BRINP1: variants seen among roughly 807,000 people sequenced by gnomAD.
The protein encoded by BRINP1 is BMP/retinoic acid-inducible neural-specific protein 1.
Under a neutral mutation model 72.9 loss-of-function variants are expected in BRINP1, and 17 were observed. The ratio of observed to expected loss-of-function variants is 0.23; its 90% CI spans 0.16 to 0.35. The LOEUF is 0.35. BRINP1 is among the 10% of genes least tolerant of loss of function. The pLI, the probability that BRINP1 is intolerant of heterozygous loss-of-function variation, is 1.00. For missense variants in BRINP1, 850 were observed against 1,001.6 expected (o/e 0.85, Z 2.04); for synonymous variants, 418 against 378.5 (o/e 1.10, Z -1.21).
chr9:119,169,900 A>G (rs898973784), intron 7 of BRINP1, among the ~76,000 whole-genome samples: 10 of 152,140 alleles, frequency 6.6e-5, no homozygotes, highest in Non-Finnish European at 1.5e-4. Flanking sequence ...GGGTATTCCA[A>G]CAGACTTGCA....
At chr9:119,316,000 G>A (rs1048455893) in intron 1 of BRINP1, among the ~76,000 whole-genome samples, 5 of 152,220 alleles carry the variant, frequency 3.3e-5, no homozygotes, top group South Asian at 2.1e-4. Flanking sequence ...ACAAGGTGAA[G>A]AAGCTAATGC....
At chr9:119,258,871 C>A (rs562580957) in intron 2 of BRINP1, among the ~76,000 whole-genome samples, 10 of 152,268 alleles carry the variant, frequency 6.6e-5, no homozygotes, top group African/African-American at 2.4e-4. Flanking sequence ...AGGCCCAGAG[C>A]AGTGAAGGCC....
chr9:119,341,297 C>A (rs1831403516), intron 1 of BRINP1, among the ~76,000 whole-genome samples: 1 of 152,156 alleles, frequency 6.6e-6, no homozygotes, highest in South Asian at 2.1e-4. Flanking sequence ...GTAACTTTAA[C>A]CCACATAATG....
chr9:119,174,112 A>G (rs1443250113), intron 7 of BRINP1, among the ~76,000 whole-genome samples: 7 of 147,632 alleles, frequency 4.7e-5, no homozygotes, highest in African/African-American at 1.6e-4. Context: ...CAAAATTGAC[A>G]AATGGGATCT....
intron 2 of BRINP1, among the ~76,000 whole-genome samples, chr9:119,288,751 C>T (rs1179298255): frequency 6.6e-6 from 1 of 152,038 alleles, no homozygotes; most frequent in Non-Finnish European, 1.5e-5. Flanking sequence ...TAGGTGAATG[C>T]ACCAAAGGAG....
intron 7 of BRINP1, among the ~76,000 whole-genome samples, chr9:119,191,231 G>T (rs1829680566): frequency 6.6e-6 from 1 of 151,862 alleles, no homozygotes; most frequent in African/African-American, 2.4e-5. Context: ...TTCCAGGCAA[G>T]AATGTCCACT....
At chr9:119,254,542 T>C (rs1401080245) in intron 2 of BRINP1, among the ~76,000 whole-genome samples, 3 of 151,956 alleles carry the variant, frequency 2.0e-5, no homozygotes, top group African/African-American at 7.3e-5. Context: ...GGAAGAAAAA[T>C]AATATCAAAA....
At chr9:119,176,874 G>T (rs1249277790) in intron 7 of BRINP1, among the ~76,000 whole-genome samples, 1 of 152,094 alleles carries the variant, frequency 6.6e-6, no homozygotes, top group Non-Finnish European at 1.5e-5. Context: ...TTGCTTATCG[G>T]CTGGGAAAAA....
intron 6 of BRINP1, among the ~76,000 whole-genome samples, chr9:119,210,725 CAGTT>C (rs1265043078): frequency 6.6e-6 from 1 of 152,186 alleles, no homozygotes; most frequent in Non-Finnish European, 1.5e-5. Context: ...TAATTATAGA[CAGTT>C]AGACAGGCAA....
At chr9:119,319,587 G>T (rs1831163720) in intron 1 of BRINP1, among the ~76,000 whole-genome samples, 1 of 152,220 alleles carries the variant, frequency 6.6e-6, no homozygotes, top group East Asian at 1.9e-4. Flanking sequence ...TAATATGAGA[G>T]TCACATTATT....
intron 2 of BRINP1, among the ~76,000 whole-genome samples, chr9:119,263,830 G>T (rs1423829152): frequency 6.6e-6 from 1 of 151,858 alleles, no homozygotes; most frequent in Admixed American, 6.6e-5. Context: ...GGATGGTCTC[G>T]ATCTCCTGAC....
chr9:119,298,333 C>G (rs575018709), intron 2 of BRINP1, among the ~76,000 whole-genome samples: 1 of 152,256 alleles, frequency 6.6e-6, no homozygotes, highest in Admixed American at 6.5e-5. Flanking sequence ...TTCTACAGCT[C>G]TGTTGGGGGC....
At chr9:119,211,866 A>C (rs1829932988) in intron 6 of BRINP1, among the ~76,000 whole-genome samples, 1 of 152,168 alleles carries the variant, frequency 6.6e-6, no homozygotes. Flanking sequence ...TGTTCAGCTT[A>C]TTCAGCAGCA....
chr9:119,238,761 C>A lies in BRINP1; in HGVS notation c.580-1G>T. 1 of 1,574,720 alleles carries A rather than the reference C, an allele frequency of 6.4e-7. No homozygotes were observed. The highest frequency in any genetic ancestry group is 8.7e-7 in the Non-Finnish European group (1 of 1,149,252). On this transcript the variant is annotated splice_acceptor_variant, in intron 4 of 7. Coordinates refer to ENST00000265922, the MANE Select transcript of BRINP1 (RefSeq NM_014618.3). LOFTEE classifies it high-confidence loss of function. ...GAGGCCCAGTGCGTGTCTCTGTGACCTGCAGTAGATATCAAATAAGATAGG... is the reference window on the plus strand; with the variant it reads ...GAGGCCCAGTGCGTGTCTCTGTGACATGCAGTAGATATCAAATAAGATAGG...
intron 2 of BRINP1, among the ~76,000 whole-genome samples, chr9:119,310,827 G>A (rs536502578): frequency 6.6e-6 from 1 of 152,242 alleles, no homozygotes; most frequent in South Asian, 2.1e-4. Flanking sequence ...AAACGTCAAT[G>A]TTTCAACAAA....
chr9:119,303,175 T>C (rs1043587631), intron 2 of BRINP1, among the ~76,000 whole-genome samples: 1 of 152,126 alleles, frequency 6.6e-6, no homozygotes, highest in Non-Finnish European at 1.5e-5. Flanking sequence ...GCAGAGAGGC[T>C]GTCACAAGTG....
chr9:119,169,403 G>A (rs1177814178), intron 7 of BRINP1, among the ~76,000 whole-genome samples: 2 of 149,906 alleles, frequency 1.3e-5, no homozygotes, highest in African/African-American at 5.1e-5. Context: ...CTCCCCCACC[G>A]AATACTGTGC....
At chr9:119,315,275 T>G (rs931629925) in intron 1 of BRINP1, among the ~76,000 whole-genome samples, 1 of 152,160 alleles carries the variant, frequency 6.6e-6, no homozygotes, top group Non-Finnish European at 1.5e-5. Context: ...TCCAACAATG[T>G]GTGCTCACTT....
At chr9:119,335,738 T>C (rs1831339845) in intron 1 of BRINP1, among the ~76,000 whole-genome samples, 1 of 152,232 alleles carries the variant, frequency 6.6e-6, no homozygotes, top group Non-Finnish European at 1.5e-5. Context: ...TCAAGTGCCA[T>C]GCAGTGTGCT....
Sources: allele counts gnomAD v4.1 joint callset (sites outside exome capture counted in the v4.1 genomes callset), GRCh38; gene constraint gnomAD v4.1.1; transcripts MANE v1.5; gene names NCBI Gene and HGNC (gene_info 2026-07-23, HGNC 2026-07-21).